ANKS1A: variants seen among roughly 807,000 people sequenced by gnomAD.
ANKS1A encodes ankyrin repeat and SAM domain-containing protein 1A.
In ANKS1A, 55 loss-of-function variants were observed where a neutral mutation model predicts 120.3. That is an observed-to-expected ratio of 0.46 (90% CI 0.37 to 0.57). The LOEUF (loss-of-function observed/expected upper bound fraction) is 0.57, where lower values mean the gene tolerates loss of function less well. Among genes scored for constraint, ANKS1A ranks in the 20% least tolerant of loss-of-function variants. The pLI, the probability that ANKS1A is intolerant of heterozygous loss-of-function variation, is 0.00. For synonymous variants in ANKS1A, 590 were observed against 604.7 expected (o/e 0.98, Z 0.36); for missense variants, 1,123 against 1,480.3 (o/e 0.76, Z 3.96).
In ANKS1A at chr6:34,996,146, G is replaced by A. The variant is rs145731041; in HGVS notation, c.1423+1724G>A. 2.0e-3 allele frequency among the ~76,000 whole-genome samples: 304 copies of A among 152,178 alleles called. 1 individual carries two copies. Among genetic ancestry groups the A allele is most frequent in the African/African-American group, 6.8e-3 (282 of 41,522 alleles). On this transcript the variant is annotated intron_variant, in intron 10 of 23. Coordinates refer to ENST00000360359, the MANE Select transcript of ANKS1A (RefSeq NM_015245.3). ...AAATTTTAGCCATTCTAGTAGATAC[G>A]TGGTGTTAGTTCATTATGGATTTAA...
chr6:34,970,560 C>T (rs1771132667), intron 3 of ANKS1A, among the ~76,000 whole-genome samples: 1 of 152,134 alleles, frequency 6.6e-6, no homozygotes, highest in Non-Finnish European at 1.5e-5. Context: ...CTGTGGGTTC[C>T]GCATGTGCAG....
intron 1 of ANKS1A, among the ~76,000 whole-genome samples, chr6:34,921,822 G>A (rs1768446212): frequency 6.6e-6 from 1 of 152,108 alleles, no homozygotes; most frequent in South Asian, 2.1e-4. Flanking sequence ...TCAGCCTTCT[G>A]AGTAGCTAGG....
intron 1 of ANKS1A, among the ~76,000 whole-genome samples, chr6:34,922,303 G>A (rs961772039): frequency 1.1e-4 from 17 of 152,124 alleles, no homozygotes; most frequent in South Asian, 2.1e-4. Context: ...GAGAGGCTGC[G>A]TAATATGTCT....
chr6:35,086,843 C>A lies in ANKS1A; in HGVS notation c.3304-109C>A. 9.1e-7 allele frequency: 1 copy of A among 1,102,812 alleles called. No individual in the cohort carries two copies. Among genetic ancestry groups the A allele is most frequent in the Non-Finnish European group, 1.4e-6 (1 of 724,286 alleles). 68.3% of individuals were successfully genotyped at this position (1,102,812 alleles called of 1,614,324 possible). A position where few individuals can be genotyped will look rare whatever the true frequency, so the allele number is the denominator to read the frequency against. ...CTTTGGCCGAGGAGAATAAGGGCTG[C>A]CCCTCCCAGCACAGGGGCCACAGCC... On this transcript the variant is annotated intron_variant, in intron 22 of 23. Transcript: ENST00000360359. The surrounding 1 kb of genome is among the most constrained non-coding windows in gnomAD (Gnocchi z 5.1).
intron 7 of ANKS1A, 27 bp downstream of exon 7, chr6:34,983,452 AG>A: frequency 6.5e-7 from 1 of 1,540,082 alleles, no homozygotes; most frequent in South Asian, 1.2e-5. Flanking sequence ...CTATGAGTAA[AG>A]GGGTGCTCAG....
chr6:34,969,130 G>A (rs1009182484), intron 2 of ANKS1A, among the ~76,000 whole-genome samples: 1 of 152,150 alleles, frequency 6.6e-6, no homozygotes. Context: ...CACATTCATA[G>A]GGATAATTAT....
intron 1 of ANKS1A, among the ~76,000 whole-genome samples, chr6:34,891,286 A>G (rs1380219891): frequency 6.6e-6 from 1 of 152,234 alleles, no homozygotes; most frequent in Non-Finnish European, 1.5e-5. Flanking sequence ...TCCTGCCTGC[A>G]CCCTTGAGAG....
At chr6:35,037,175 A>G (rs1190105370) in intron 11 of ANKS1A, among the ~76,000 whole-genome samples, 2 of 152,272 alleles carry the variant, frequency 1.3e-5, no homozygotes, top group Non-Finnish European at 2.9e-5. Context: ...AGCAGGTCAT[A>G]TAAATGGCTA....
chr6:34,995,549 A>G (rs896985117), intron 10 of ANKS1A, among the ~76,000 whole-genome samples: 1 of 152,102 alleles, frequency 6.6e-6, no homozygotes, highest in African/African-American at 2.4e-5. Flanking sequence ...AAATTTTTCC[A>G]TGTTCTTTTG....
intron 13 of ANKS1A, among the ~76,000 whole-genome samples, chr6:35,068,999 C>T (rs1338889132): frequency 6.6e-6 from 1 of 152,126 alleles, no homozygotes; most frequent in African/African-American, 2.4e-5. Flanking sequence ...GACGTCTGGC[C>T]ATTGGTGGGC....
At chr6:34,975,739 G>GGTGT (rs1771538027) in intron 3 of ANKS1A, among the ~76,000 whole-genome samples, 1 of 151,118 alleles carries the variant, frequency 6.6e-6, no homozygotes, top group African/African-American at 2.4e-5. Flanking sequence ...GGGCAACAGA[G>GGTGT]TGAGACCCTG....
intron 3 of ANKS1A, among the ~76,000 whole-genome samples, chr6:34,975,999 G>C (rs551171583): frequency 1.3e-5 from 2 of 151,588 alleles, no homozygotes; most frequent in Non-Finnish European, 2.9e-5. Flanking sequence ...TTAGCTAGGC[G>C]TGCTGGTGCA....
chr6:35,048,409 C>G (rs528910300), intron 11 of ANKS1A, among the ~76,000 whole-genome samples: 2 of 152,250 alleles, frequency 1.3e-5, no homozygotes, highest in East Asian at 3.9e-4. Context: ...GTCGCCTCGG[C>G]AAGGACAGCC....
intron 11 of ANKS1A, among the ~76,000 whole-genome samples, chr6:35,052,907 A>C (rs1776040923): frequency 6.6e-6 from 1 of 152,108 alleles, no homozygotes; most frequent in Non-Finnish European, 1.5e-5. Flanking sequence ...TGCTGAGCTC[A>C]GGGAAGGAGC....
At chr6:34,894,600 C>G in intron 1 of ANKS1A, among the ~76,000 whole-genome samples, 1 of 151,950 alleles carries the variant, frequency 6.6e-6, no homozygotes, top group South Asian at 2.1e-4. Flanking sequence ...TGCAGTGAGC[C>G]AAGATTGTTC....
intron 16 of ANKS1A, among the ~76,000 whole-genome samples, chr6:35,080,788 G>C (rs1487615390): frequency 6.6e-6 from 1 of 152,134 alleles, no homozygotes; most frequent in African/African-American, 2.4e-5. Flanking sequence ...TGCAAAAGTG[G>C]CTTCCCCGCC....
chr6:35,049,421 T>A (rs112568611), intron 11 of ANKS1A, among the ~76,000 whole-genome samples: 1,525 of 152,308 alleles, frequency 0.01, 9 homozygotes, highest in African/African-American at 0.022. Context: ...CCTGAATGGT[T>A]CTTTAGTGTC....
Position 34,895,168 on chromosome 6 carries a change from C to T in ANKS1A, c.197+5569C>T, listed in dbSNP as rs180924789. 8.3e-3 allele frequency among the ~76,000 whole-genome samples: 1,224 copies of T among 147,648 alleles called. 17 individuals carry two copies. Among genetic ancestry groups the T allele is most frequent in the African/African-American group, 0.029 (1,147 of 40,234 alleles). Reference sequence around the variant, plus strand: ...AAGTAATTCATTGTTGTAAAGAAAGCTTCCTAATATTTATTTAAGGACTTT... The same window carrying T: ...AAGTAATTCATTGTTGTAAAGAAAGTTTCCTAATATTTATTTAAGGACTTT... On this transcript the variant is annotated intron_variant, in intron 1 of 23. Transcript: ENST00000360359.
At chr6:34,989,841 A>T (rs1358779951) in intron 9 of ANKS1A, among the ~76,000 whole-genome samples, 1 of 152,220 alleles carries the variant, frequency 6.6e-6, no homozygotes, top group Non-Finnish European at 1.5e-5. Flanking sequence ...AAGATCAAAG[A>T]AGTTTATTTG....
Sources: allele counts gnomAD v4.1 joint callset (sites outside exome capture counted in the v4.1 genomes callset), GRCh38; gene constraint gnomAD v4.1.1; non-coding constraint Gnocchi (gnomAD v3.1); transcripts MANE v1.5; gene names NCBI Gene and HGNC (gene_info 2026-07-23, HGNC 2026-07-21).